PTPRD: variants seen among roughly 807,000 people sequenced by gnomAD.
The protein encoded by PTPRD is protein tyrosine phosphatase receptor type D, also known as receptor-type tyrosine-protein phosphatase delta.
PTPRD carries 34 observed loss-of-function variants against 214.5 expected under a neutral mutation model. That is an observed-to-expected ratio of 0.16 (90% confidence interval 0.12 to 0.21). The LOEUF (loss-of-function observed/expected upper bound fraction) is 0.21, where lower values mean the gene tolerates loss of function less well. Ranked by LOEUF, PTPRD falls within the 10% of genes least tolerant of loss-of-function variation. The pLI is 1.00. For missense variants in PTPRD, 2,545 were observed against 2,398.7 expected (o/e 1.06, Z -1.27); for synonymous variants, 1,128 against 845.7 (o/e 1.33, Z -5.79).
intron 2 of PTPRD, among the ~76,000 whole-genome samples, chr9:10,568,385 G>A (rs1314890529): frequency 6.6e-6 from 1 of 151,964 alleles, no homozygotes; most frequent in Non-Finnish European, 1.5e-5. Context: ...ATTTGGGTTG[G>A]TTCCAAGTCT....
intron 3 of PTPRD, among the ~76,000 whole-genome samples, chr9:10,074,329 T>C (rs139405486): frequency 1.8e-3 from 275 of 152,182 alleles, no homozygotes; most frequent in African/African-American, 6.4e-3. Flanking sequence ...TAGCTTGCAG[T>C]TTGTGAGACC....
intron 5 of PTPRD, among the ~76,000 whole-genome samples, chr9:9,778,360 C>T (rs934396115): frequency 5.3e-5 from 8 of 152,106 alleles, no homozygotes; most frequent in African/African-American, 1.9e-4. Flanking sequence ...TGTGATCTGG[C>T]AGGGGGATTT....
chr9:9,930,991 C>T (rs1024971813), intron 5 of PTPRD, among the ~76,000 whole-genome samples: 21 of 151,960 alleles, frequency 1.4e-4, no homozygotes, highest in African/African-American at 4.6e-4. Context: ...TTTAAATATG[C>T]TTTTAACACA....
At chr9:9,347,133 C>T (rs2049148811) in intron 9 of PTPRD, among the ~76,000 whole-genome samples, 1 of 152,108 alleles carries the variant, frequency 6.6e-6, no homozygotes, top group African/African-American at 2.4e-5. Flanking sequence ...TACTACAATG[C>T]ACTGCAGCCT....
At chr9:8,674,355 G>A (rs950318138) in intron 12 of PTPRD, among the ~76,000 whole-genome samples, 6 of 150,900 alleles carry the variant, frequency 4.0e-5, no homozygotes, top group Admixed American at 3.3e-4. Context: ...GCACTCAGGA[G>A]ACTGAGGCAG....
At chr9:9,951,176 T>C (rs377605952) in intron 4 of PTPRD, among the ~76,000 whole-genome samples, 3 of 152,228 alleles carry the variant, frequency 2.0e-5, no homozygotes, top group African/African-American at 7.2e-5. Flanking sequence ...AATGGAACTA[T>C]GAGGTCTAGC....
intron 9 of PTPRD, among the ~76,000 whole-genome samples, chr9:9,381,059 T>G (rs374775378): frequency 1.3e-5 from 2 of 152,126 alleles, no homozygotes; most frequent in African/African-American, 4.8e-5. Flanking sequence ...CATTTATTTT[T>G]AATCGATAAA....
chr9:9,334,589 G>C (rs2043677831), intron 9 of PTPRD, among the ~76,000 whole-genome samples: 1 of 151,820 alleles, frequency 6.6e-6, no homozygotes, highest in Non-Finnish European at 1.5e-5. Flanking sequence ...TGTGGGGTTT[G>C]GATATGTCTC....
chr9:9,380,137 T>C (rs1369528993), intron 9 of PTPRD, among the ~76,000 whole-genome samples: 2 of 152,068 alleles, frequency 1.3e-5, no homozygotes, highest in Non-Finnish European at 2.9e-5. Flanking sequence ...TAGCTGTAGG[T>C]TATTTGTAGA....
intron 11 of PTPRD, among the ~76,000 whole-genome samples, chr9:9,016,733 G>T (rs543274228): frequency 1.3e-5 from 2 of 152,226 alleles, no homozygotes; most frequent in Non-Finnish European, 2.9e-5. Flanking sequence ...AGTCATTTGG[G>T]TGGCTTCACT....
At chr9:9,841,718 A>G (rs2058372356) in intron 5 of PTPRD, among the ~76,000 whole-genome samples, 1 of 152,012 alleles carries the variant, frequency 6.6e-6, no homozygotes, top group Non-Finnish European at 1.5e-5. Context: ...ACTTTCCTGA[A>G]TCTTACCTTG....
intron 33 of PTPRD, 174 bp downstream of exon 33, chr9:8,460,237 G>A: frequency 2.5e-6 from 2 of 803,530 alleles, no homozygotes; most frequent in East Asian, 2.5e-5. Context: ...ATTCCAAATA[G>A]TACAGTCTTT....
chr9:10,321,440 G>A (rs1291661845), intron 3 of PTPRD, among the ~76,000 whole-genome samples: 1 of 152,018 alleles, frequency 6.6e-6, no homozygotes, highest in Non-Finnish European at 1.5e-5. Flanking sequence ...AGAAGAAACT[G>A]AGGGGACCAA....
At chr9:9,284,703 T>C (rs1312226250) in intron 9 of PTPRD, among the ~76,000 whole-genome samples, 1 of 151,770 alleles carries the variant, frequency 6.6e-6, no homozygotes, top group African/African-American at 2.4e-5. Context: ...GAAGACAGCC[T>C]TTTAGAGAAA....
intron 32 of PTPRD, among the ~76,000 whole-genome samples, chr9:8,463,456 T>G (rs1374049007): frequency 6.6e-6 from 1 of 151,856 alleles, no homozygotes; most frequent in East Asian, 1.9e-4. Flanking sequence ...TAGGTGATGT[T>G]AAAACAGTTT....
intron 5 of PTPRD, among the ~76,000 whole-genome samples, chr9:9,829,748 T>C (rs1031864392): frequency 1.3e-5 from 2 of 151,802 alleles, no homozygotes; most frequent in Non-Finnish European, 1.5e-5. Context: ...AGAAAGGAAA[T>C]CTGGCAGACA....
chr9:10,181,574 T>C (rs1237213273), intron 3 of PTPRD, among the ~76,000 whole-genome samples: 5 of 151,964 alleles, frequency 3.3e-5, no homozygotes. Flanking sequence ...GGTAAAACAA[T>C]TTTGAGATAT....
intron 2 of PTPRD, among the ~76,000 whole-genome samples, chr9:10,597,150 C>G (rs2076814357): frequency 6.6e-6 from 1 of 151,252 alleles, no homozygotes; most frequent in African/African-American, 2.4e-5. Flanking sequence ...CTGGAGGAAA[C>G]AAATGCTTTA....
In PTPRD at chr9:9,934,820, A is replaced by G. The variant is rs973044605; in HGVS notation, c.-368+3687T>C. Among the ~76,000 whole-genome samples, 22 of 152,228 alleles carry G rather than the reference A, an allele frequency of 1.4e-4. 1 individual carries two copies. Among genetic ancestry groups the G allele is most frequent in the African/African-American group, 5.1e-4 (21 of 41,494 alleles). On this transcript the variant is annotated intron_variant, in intron 5 of 45. Transcript: ENST00000381196. The stretch of plus-strand genomic sequence containing the variant: ...ATCCTTGATGAATATTGATGCAAAA[A>G]TCCTCAATAAAATACTGGCAAAACG...
Sources: gnomAD v4.1 joint callset for allele counts (sites outside exome capture counted in the v4.1 genomes callset) on GRCh38, gnomAD v4.1.1 for gene constraint, MANE v1.5 for transcripts, NCBI Gene and HGNC (gene_info 2026-07-23, HGNC 2026-07-21) for gene names.